The following NPAS3 variants were observed in gnomAD, a reference collection of about 807,000 sequenced individuals.
NPAS3 encodes the protein neuronal PAS domain-containing protein 3.
A neutral mutation model predicts 73.1 loss-of-function variants in NPAS3; 14 were observed. The observed-to-expected ratio is 0.19, with a 90% CI of 0.13 to 0.30. The LOEUF is 0.30. Among genes scored for constraint, NPAS3 ranks in the 10% least tolerant of loss-of-function variants. NPAS3 has a pLI of 1.00. For missense variants in NPAS3, 1,096 were observed against 1,250.0 expected (o/e 0.88, Z 1.86); for synonymous variants, 620 against 541.5 (o/e 1.14, Z -2.01).
At chr14:33,570,905 A>G (rs1182535594) in intron 5 of NPAS3, among the ~76,000 whole-genome samples, 1 of 152,180 alleles carries the variant, frequency 6.6e-6, no homozygotes, top group Non-Finnish European at 1.5e-5. Flanking sequence ...CTGAATCATG[A>G]TGTTACTAAT....
chr14:33,567,186 T>G (rs755789068), intron 5 of NPAS3, among the ~76,000 whole-genome samples: 55 of 152,214 alleles, frequency 3.6e-4, no homozygotes, highest in Non-Finnish European at 6.8e-4. Flanking sequence ...TGTGGCACCC[T>G]GAAGCTTCAG....
At chr14:33,802,987 G>A (rs1166515637), downstream of NPAS3, 2 of 152,024 alleles carry the variant, frequency 1.3e-5, no homozygotes, top group Non-Finnish European at 2.9e-5. Context: ...CAAGGTTAAT[G>A]GAGCCATTTT....
chr14:33,542,509 T>TA (rs768381800), intron 4 of NPAS3, among the ~76,000 whole-genome samples: 21 of 152,174 alleles, frequency 1.4e-4, no homozygotes, highest in Non-Finnish European at 2.6e-4. Flanking sequence ...CGTTTCCTAT[T>TA]AGTCTTGTTT....
chr14:33,369,589 C>T (rs1457467512), intron 4 of NPAS3, among the ~76,000 whole-genome samples: 1 of 150,852 alleles, frequency 6.6e-6, no homozygotes. Context: ...ATATAGATGG[C>T]TTGGTAAAGA....
intron 6 of NPAS3, among the ~76,000 whole-genome samples, chr14:33,695,987 CGAA>C (rs1215247297): frequency 6.6e-6 from 1 of 152,084 alleles, no homozygotes; most frequent in Admixed American, 6.6e-5. Flanking sequence ...GTATTCCTCT[CGAA>C]GAAGAAATAT....
chr14:33,623,024 CA>C (rs2058121711), intron 5 of NPAS3, among the ~76,000 whole-genome samples: 1 of 151,972 alleles, frequency 6.6e-6, no homozygotes, highest in South Asian at 2.1e-4. Context: ...AGGTGTAGTT[CA>C]GGGGGTAAAA....
intron 5 of NPAS3, among the ~76,000 whole-genome samples, chr14:33,587,875 G>A (rs1009934241): frequency 2.6e-5 from 4 of 152,158 alleles, no homozygotes; most frequent in Admixed American, 2.0e-4. Flanking sequence ...ACGTTAAGGA[G>A]CACTACAGAA....
intron 6 of NPAS3, among the ~76,000 whole-genome samples, chr14:33,686,527 T>A (rs780095964): frequency 6.6e-6 from 1 of 152,226 alleles, no homozygotes; most frequent in Non-Finnish European, 1.5e-5. Flanking sequence ...CATTGACTAC[T>A]CACCACGTGT....
Position 33,379,977 on chromosome 14 carries a change from C to CATGTGT in NPAS3, c.468+12709_468+12710insATGTGT, listed in dbSNP as rs367545400. On this transcript the variant is annotated intron_variant, in intron 4 of 11. Coordinates refer to ENST00000356141, the Ensembl canonical transcript of NPAS3. The stretch of plus-strand genomic sequence containing the variant: ...AGAAGAATCTTAAGTAGTTATCCCT[C>CATGTGT]GTGTGTGTGTGTGTGTGTGTGTGTG... Among the ~76,000 whole-genome samples the CATGTGT allele has an allele frequency of 1.3e-3, 184 of 144,338 alleles. 2 individuals carry two copies. The highest frequency in any genetic ancestry group is 7.5e-4 in the Non-Finnish European group (50 of 66,522). 94.7% of individuals were successfully genotyped at this position (144,338 alleles called of 152,430 possible). A position where few individuals can be genotyped will look rare whatever the true frequency, so the allele number is the denominator to read the frequency against.
At chr14:33,201,146 C>A (rs1468228136) in intron 2 of NPAS3, among the ~76,000 whole-genome samples, 3 of 152,152 alleles carry the variant, frequency 2.0e-5, no homozygotes, top group Admixed American at 6.5e-5. Flanking sequence ...ATTTGAAGGA[C>A]CATCCTGGGA....
At chr14:33,248,920 T>A (rs2048481657) in intron 3 of NPAS3, among the ~76,000 whole-genome samples, 2 of 152,220 alleles carry the variant, frequency 1.3e-5, no homozygotes, top group Non-Finnish European at 2.9e-5. Flanking sequence ...TTTTTCAGTG[T>A]GGCATACATA....
chr14:33,681,139 G>C (rs2059925784), intron 6 of NPAS3: 1 of 152,396 alleles, frequency 6.6e-6, no homozygotes, highest in Non-Finnish European at 1.5e-5. Context: ...ACAGTAAGCG[G>C]TATAATTAGA....
chr14:32,962,569 C>CTTTTTTTTTTTTTT (rs71432096), intron 1 of NPAS3, among the ~76,000 whole-genome samples: 19 of 110,606 alleles, frequency 1.7e-4, no homozygotes, highest in Non-Finnish European at 2.5e-4. Context: ...TTTTTCTTTT[C>CTTTTTTTTTTTTTT]TTTTTTTTTT....
chr14:33,545,182 C>A (rs2054782586), intron 4 of NPAS3, among the ~76,000 whole-genome samples: 2 of 152,042 alleles, frequency 1.3e-5, no homozygotes, highest in African/African-American at 4.8e-5. Flanking sequence ...TTATCTCAGA[C>A]ATGACTATTG....
Position 33,632,549 on chromosome 14 carries a change from C to T in NPAS3, c.559-43662C>T, listed in dbSNP as rs76504689. 9.3e-3 allele frequency among the ~76,000 whole-genome samples: 1,412 copies of T among 152,252 alleles called. 43 individuals are homozygous for T. The East Asian group carries it at 0.12, about 13-fold the overall frequency. ...CTCTATGGGTAACTGAAGTATCCCA[C>T]CCCCGGAGCTGGAGCTGGGTTCCAC... is the stretch of plus-strand genomic sequence containing the variant. On this transcript the variant is annotated intron_variant, in intron 5 of 11. Transcript: ENST00000356141.
intron 4 of NPAS3, among the ~76,000 whole-genome samples, chr14:33,480,061 GA>G (rs1463501690): frequency 6.6e-6 from 1 of 152,094 alleles, no homozygotes; most frequent in East Asian, 1.9e-4. Flanking sequence ...AATTCCTTTT[GA>G]AAAGAAGCAC....
At chr14:33,103,444 G>A (rs566742741) in intron 2 of NPAS3, among the ~76,000 whole-genome samples, 1 of 152,256 alleles carries the variant, frequency 6.6e-6, no homozygotes, top group East Asian at 1.9e-4. Flanking sequence ...CTGCTGAGCT[G>A]AATTTATTCT....
chr14:33,670,197 ATCTTCTAGCTAAAATTCTTCTAAG>A (rs748686362), intron 5 of NPAS3, among the ~76,000 whole-genome samples: 16 of 152,182 alleles, frequency 1.1e-4, no homozygotes, highest in Non-Finnish European at 2.1e-4. Flanking sequence ...ATGATGTGGT[ATCTTCTAGCTAAAATTCTTCTAAG>A]GGAAGCCTCT....
At chr14:32,952,695 A>G (rs1161061235) in intron 1 of NPAS3, among the ~76,000 whole-genome samples, 1 of 152,116 alleles carries the variant, frequency 6.6e-6, no homozygotes, top group Non-Finnish European at 1.5e-5. Context: ...TGCTAACCAT[A>G]TTTTTCTGTC....
Sources: gnomAD v4.1 joint callset for allele counts (sites outside exome capture counted in the v4.1 genomes callset) on GRCh38, gnomAD v4.1.1 for gene constraint, MANE v1.5 for transcripts, NCBI Gene and HGNC (gene_info 2026-07-23, HGNC 2026-07-21) for gene names.